Variants in SPIDR observed in about 807,000 individuals in gnomAD.
SPIDR encodes the protein scaffold protein involved in DNA repair, also known as DNA repair-scaffolding protein.
SPIDR carries 93 observed loss-of-function variants against 104.6 expected under a neutral mutation model. The observed-to-expected ratio is 0.89, with a 90% CI of 0.75 to 1.06. SPIDR has a LOEUF of 1.06. SPIDR is among the 50% of genes least tolerant of loss of function. The pLI, the probability that SPIDR is intolerant of heterozygous loss-of-function variation, is 0.00. For synonymous variants in SPIDR, 431 were observed against 416.9 expected, an observed-to-expected ratio of 1.03 and a Z score of -0.41; for missense variants, 1,154 against 1,111.2, an observed-to-expected ratio of 1.04 and a Z score of -0.55.
intron 8 of SPIDR, among the ~76,000 whole-genome samples, chr8:47,544,272 G>T (rs1337939315): frequency 6.6e-6 from 1 of 151,506 alleles, no homozygotes; most frequent in Admixed American, 6.6e-5. Flanking sequence ...AAATTTTGAG[G>T]GTTCTTAATA....
chr8:47,501,113 C>G (rs2154371144), intron 8 of SPIDR, among the ~76,000 whole-genome samples: 1 of 152,300 alleles, frequency 6.6e-6, no homozygotes, highest in South Asian at 2.1e-4. Context: ...TTAGGATTGA[C>G]TTGGGGATCC....
chr8:47,696,988 G>A (rs928044068), intron 11 of SPIDR, among the ~76,000 whole-genome samples: 9 of 152,156 alleles, frequency 5.9e-5, no homozygotes, highest in Non-Finnish European at 1.0e-4. Flanking sequence ...GACTCCTTCC[G>A]CGTGGCCCTC....
intron 8 of SPIDR, among the ~76,000 whole-genome samples, chr8:47,517,789 A>T (rs1026013644): frequency 4.6e-5 from 7 of 152,222 alleles, no homozygotes; most frequent in African/African-American, 1.7e-4. Flanking sequence ...TAACTCTTTA[A>T]TCCATCTGAA....
At chr8:47,352,320 A>G (rs1307403931) in intron 5 of SPIDR, among the ~76,000 whole-genome samples, 1 of 151,904 alleles carries the variant, frequency 6.6e-6, no homozygotes, top group African/African-American at 2.4e-5. Context: ...TTGACCGTGT[A>G]CTTCTTGTTT....
At chr8:47,623,419 C>T (rs1374361190) in intron 10 of SPIDR, among the ~76,000 whole-genome samples, 1 of 152,132 alleles carries the variant, frequency 6.6e-6, no homozygotes, top group Non-Finnish European at 1.5e-5. Context: ...GCTAAATGCT[C>T]CAATTAAAAG....
At chr8:47,595,688 G>C (rs866711679) in intron 8 of SPIDR, 123 bp from the exon 9 acceptor site, 5 of 810,844 alleles carry the variant, frequency 6.2e-6, no homozygotes, top group Non-Finnish European at 1.0e-5. Context: ...TGCCTCTGTG[G>C]GTGGGCTTGG....
chr8:47,403,489 T>C (rs551787129), intron 6 of SPIDR, among the ~76,000 whole-genome samples: 3 of 152,304 alleles, frequency 2.0e-5, no homozygotes, highest in East Asian at 1.9e-4. Context: ...CTTAAGCTGA[T>C]AAGCAAATTC....
intron 5 of SPIDR, among the ~76,000 whole-genome samples, chr8:47,340,610 A>AAAC (rs767447221): frequency 5.3e-5 from 8 of 152,106 alleles, no homozygotes; most frequent in Non-Finnish European, 1.2e-4. Context: ...TGAAAAAACA[A>AAAC]AACAACAACA....
At chr8:47,516,061 G>A (rs963110371) in intron 8 of SPIDR, among the ~76,000 whole-genome samples, 35 of 152,170 alleles carry the variant, frequency 2.3e-4, no homozygotes, top group African/African-American at 7.7e-4. Context: ...CGCCCGCCTC[G>A]GCCTCCCGAA....
intron 14 of SPIDR, among the ~76,000 whole-genome samples, chr8:47,707,079 C>A (rs551368938): frequency 2.4e-4 from 37 of 151,834 alleles, no homozygotes; most frequent in African/African-American, 8.4e-4. Context: ...GTGGTAAAAC[C>A]CCATCTCTAC....
intron 14 of SPIDR, among the ~76,000 whole-genome samples, chr8:47,703,824 G>T (rs1377399779): frequency 6.6e-6 from 1 of 152,164 alleles, no homozygotes; most frequent in Non-Finnish European, 1.5e-5. Context: ...AACAACCCAA[G>T]TGTCTCCTGG....
chr8:47,656,954 C>T (rs1231103825), intron 10 of SPIDR, among the ~76,000 whole-genome samples: 1 of 152,120 alleles, frequency 6.6e-6, no homozygotes, highest in Non-Finnish European at 1.5e-5. Context: ...ATAACTAGAA[C>T]AGGCAAATCC....
At position 47,387,698 on chromosome 8, in the gene SPIDR, T is replaced by C. The variant is rs201787337; in HGVS notation, c.526-8678T>C. On this transcript the variant is annotated intron_variant, in intron 5 of 19. Coordinates refer to ENST00000297423, the MANE Select transcript of SPIDR (RefSeq NM_001080394.4). Reference sequence around the variant, plus strand: ...GTGAATTGAACCCTTTAAGGGAAGATGGGCAGCTCTGAAATGGAGAGAAGT... The same window carrying C: ...GTGAATTGAACCCTTTAAGGGAAGACGGGCAGCTCTGAAATGGAGAGAAGT... 5.9e-5 allele frequency among the ~76,000 whole-genome samples: 9 copies of C among 152,312 alleles called. No homozygotes were observed. In the East Asian group the frequency reaches 1.5e-3, roughly 26 times the overall value.
chr8:47,685,985 G>A (rs977564663), intron 11 of SPIDR, among the ~76,000 whole-genome samples: 1 of 152,118 alleles, frequency 6.6e-6, no homozygotes, highest in African/African-American at 2.4e-5. Flanking sequence ...CTCGAGACCT[G>A]TCTATACACA....
chr8:47,506,439 T>C (rs1452269788), intron 8 of SPIDR, among the ~76,000 whole-genome samples: 1 of 152,180 alleles, frequency 6.6e-6, no homozygotes, highest in African/African-American at 2.4e-5. Context: ...CTCAGGGTGA[T>C]CGTTCTTTCT....
intron 1 of SPIDR, among the ~76,000 whole-genome samples, chr8:47,266,435 C>G (rs962368162): frequency 6.6e-6 from 1 of 152,126 alleles, no homozygotes; most frequent in African/African-American, 2.4e-5. Flanking sequence ...TGTGCCTGGC[C>G]AATAGTTTCT....
In SPIDR at chr8:47,712,787, G is replaced by A; in HGVS notation, c.2103G>A (p.Leu701=). ...CCCTGCTGGTCTATGTGGCCCCCTT[G>A]TGTGTGCTGGGCTCTGAAGTCCTGG... ...PKTLLVYVAP[L]CVLGSEVLEA... is the part of the protein sequence containing the mutation. Residue 701 remains leucine (L), a synonymous_variant, in exon 15 of 20, where the codon TTG becomes TTA. Coordinates refer to ENST00000297423, the MANE Select transcript of SPIDR (RefSeq NM_001080394.4). 6.2e-7 allele frequency: 1 copy of A among 1,614,162 alleles called. No individual in the cohort carries two copies. Among genetic ancestry groups the A allele is most frequent in the Non-Finnish European group, 8.5e-7 (1 of 1,180,050 alleles).
intron 8 of SPIDR, among the ~76,000 whole-genome samples, chr8:47,553,378 C>T (rs963500277): frequency 6.6e-6 from 1 of 152,210 alleles, no homozygotes; most frequent in African/African-American, 2.4e-5. Context: ...CTTTCAGGTA[C>T]ACCAATCAGA....
At chr8:47,348,460 C>T (rs1016930975) in intron 5 of SPIDR, among the ~76,000 whole-genome samples, 2 of 152,020 alleles carry the variant, frequency 1.3e-5, no homozygotes, top group South Asian at 2.1e-4. Context: ...ATCTTTGTGT[C>T]GTTCTCTGTA....
Sources: allele counts gnomAD v4.1 joint callset (sites outside exome capture counted in the v4.1 genomes callset), GRCh38; gene constraint gnomAD v4.1.1; transcripts MANE v1.5; gene names NCBI Gene and HGNC (gene_info 2026-07-23, HGNC 2026-07-21).